CNIH3: variants seen among roughly 807,000 people sequenced by gnomAD.
The protein encoded by CNIH3 is protein cornichon homolog 3.
In CNIH3, 14 loss-of-function variants were observed where a neutral mutation model predicts 24.1. The observed-to-expected ratio is 0.58, with a 90% CI of 0.38 to 0.91. The LOEUF (loss-of-function observed/expected upper bound fraction) is 0.91. CNIH3 is among the 40% of genes least tolerant of loss of function. The pLI, the probability that CNIH3 is intolerant of heterozygous loss-of-function variation, is 0.00. For synonymous variants in CNIH3, 68 were observed against 73.8 expected (o/e 0.92, Z 0.40); for missense variants, 178 against 196.8 (o/e 0.90, Z 0.57).
intron 2 of CNIH3, among the ~76,000 whole-genome samples, chr1:224,683,085 G>T (rs1686481592): frequency 6.6e-6 from 1 of 152,228 alleles, no homozygotes; most frequent in Non-Finnish European, 1.5e-5. Context: ...TGCAGGAATA[G>T]AATTTGCACA....
intron 2 of CNIH3, among the ~76,000 whole-genome samples, chr1:224,681,324 A>G (rs748541074): frequency 1.9e-4 from 29 of 152,112 alleles, no homozygotes; most frequent in Non-Finnish European, 4.0e-4. Flanking sequence ...CTCATCCTTA[A>G]ACAAGAAAAG....
At chr1:224,468,250 A>G (rs886702281) in intron 1 of CNIH3, among the ~76,000 whole-genome samples, 4 of 152,166 alleles carry the variant, frequency 2.6e-5, no homozygotes, top group African/African-American at 9.7e-5. Flanking sequence ...TTTGGATAGG[A>G]ATTATGTAAA....
At chr1:224,544,591 G>A (rs1483553120) in intron 2 of CNIH3, among the ~76,000 whole-genome samples, 2 of 152,156 alleles carry the variant, frequency 1.3e-5, no homozygotes, top group African/African-American at 2.4e-5. Context: ...ATGACTCAAA[G>A]ATTGGTAATT....
intron 1 of CNIH3, among the ~76,000 whole-genome samples, chr1:224,463,420 T>TG (rs2102986378): frequency 6.6e-6 from 1 of 152,146 alleles, no homozygotes; most frequent in African/African-American, 2.4e-5. Flanking sequence ...AAGTCTTTTT[T>TG]TTTTTGAGGC....
chr1:224,608,964 T>C (rs1045539189), intron 3 of CNIH3, among the ~76,000 whole-genome samples: 3 of 152,232 alleles, frequency 2.0e-5, no homozygotes, highest in African/African-American at 7.2e-5. Context: ...GAAATCTTAT[T>C]GGGAAGCTGC....
At chr1:224,496,244 C>T (rs759043663) in intron 1 of CNIH3, among the ~76,000 whole-genome samples, 11 of 152,170 alleles carry the variant, frequency 7.2e-5, no homozygotes, top group Non-Finnish European at 1.5e-4. Context: ...ACCATCCACT[C>T]GAGGAGGGTC....
chr1:224,555,740 T>C (rs1447739542), intron 3 of CNIH3, among the ~76,000 whole-genome samples: 4 of 152,228 alleles, frequency 2.6e-5, no homozygotes, highest in Non-Finnish European at 4.4e-5. Context: ...GATTATGAAT[T>C]AGCAATGTTC....
chr1:224,470,757 C>T (rs930490045), intron 1 of CNIH3, among the ~76,000 whole-genome samples: 3 of 152,164 alleles, frequency 2.0e-5, no homozygotes, highest in Non-Finnish European at 1.5e-5. Context: ...CATGCCTGGC[C>T]ATCTCTTTCA....
chr1:224,548,863 G>A (rs1024133938), intron 3 of CNIH3, among the ~76,000 whole-genome samples: 6 of 151,274 alleles, frequency 4.0e-5, no homozygotes, highest in East Asian at 1.9e-4. Context: ...ACCCTGGGAC[G>A]TTATTCGTAG....
Position 224,456,717 on chromosome 1 carries a change from T to A in CNIH3, n.203+21855T>A, listed in dbSNP as rs545157346. Among the ~76,000 whole-genome samples, 93 of 152,252 alleles carry A rather than the reference T, an allele frequency of 6.1e-4. 1 individual carries two copies. The highest frequency in any genetic ancestry group is 2.1e-3 in the African/African-American group (88 of 41,556). On this transcript the variant is annotated intron_variant and non_coding_transcript_variant, in intron 1 of 5. Coordinates refer to the CNIH3 transcript ENST00000471578. ...TGAGCCACTGTGCCCGGCCAAAGAT[T>A]CCCCCTGTCTTTTTGACACTCTTCA...
intron 3 of CNIH3, among the ~76,000 whole-genome samples, chr1:224,698,022 G>A (rs1408929721): frequency 6.6e-6 from 1 of 152,186 alleles, no homozygotes; most frequent in African/African-American, 2.4e-5. Context: ...TATCATGCTG[G>A]CTCCATTTGT....
intron 3 of CNIH3, among the ~76,000 whole-genome samples, chr1:224,707,387 A>G (rs1687879064): frequency 6.6e-6 from 1 of 152,102 alleles, no homozygotes; most frequent in Admixed American, 6.6e-5. Flanking sequence ...CCTCAACCTC[A>G]AATAACGAAT....
intron 3 of CNIH3, among the ~76,000 whole-genome samples, chr1:224,561,367 C>T (rs184337804): frequency 6.6e-6 from 1 of 152,288 alleles, no homozygotes; most frequent in Admixed American, 6.5e-5. Flanking sequence ...CTACAATCCA[C>T]CCAGAGCTGA....
intron 3 of CNIH3, among the ~76,000 whole-genome samples, chr1:224,560,254 A>G (rs1680308767): frequency 6.6e-6 from 1 of 152,184 alleles, no homozygotes; most frequent in Non-Finnish European, 1.5e-5. Context: ...TAGGAGTGGA[A>G]TTTCTGGGTC....
chr1:224,548,437 T>C (rs1679786804), intron 3 of CNIH3, among the ~76,000 whole-genome samples: 1 of 151,140 alleles, frequency 6.6e-6, no homozygotes, highest in Admixed American at 6.6e-5. Context: ...CACCCTGTGA[T>C]ATTATTTGTA....
chr1:224,557,505 G>A (rs556432244), intron 3 of CNIH3, among the ~76,000 whole-genome samples: 2 of 152,066 alleles, frequency 1.3e-5, no homozygotes, highest in Admixed American at 6.5e-5. Context: ...TCGCTCTGTC[G>A]CTCAGGCTGG....
intron 3 of CNIH3, among the ~76,000 whole-genome samples, chr1:224,696,475 G>A (rs961881037): frequency 1.6e-4 from 24 of 152,174 alleles, no homozygotes; most frequent in African/African-American, 5.6e-4. Flanking sequence ...GGAGGAAGTC[G>A]GTCAGCAGCG....
intron 1 of CNIH3, among the ~76,000 whole-genome samples, chr1:224,496,899 A>T (rs1677462087): frequency 1.3e-5 from 2 of 152,254 alleles, no homozygotes; most frequent in Admixed American, 1.3e-4. Context: ...TTGAAAACAT[A>T]TGTCCACACA....
intron 1 of CNIH3, among the ~76,000 whole-genome samples, chr1:224,624,794 G>A (rs1683439989): frequency 6.6e-6 from 1 of 152,212 alleles, no homozygotes; most frequent in African/African-American, 2.4e-5. Context: ...AGGGCTGGGA[G>A]GACCAGGTCC....
Sources: allele counts gnomAD v4.1 joint callset (sites outside exome capture counted in the v4.1 genomes callset), GRCh38; gene constraint gnomAD v4.1.1; transcripts MANE v1.5; gene names NCBI Gene and HGNC (gene_info 2026-07-23, HGNC 2026-07-21).